ATAD2B: variants seen among roughly 807,000 people sequenced by gnomAD.
ATAD2B encodes ATPase family AAA domain containing 2B, also known as ATPase family AAA domain-containing protein 2B.
ATAD2B carries 40 observed loss-of-function variants against 167.6 expected under a neutral mutation model. The ratio of observed to expected loss-of-function variants is 0.24; its 90% confidence interval spans 0.19 to 0.31. The LOEUF is 0.31. Ranked by LOEUF, ATAD2B falls within the 10% of genes least tolerant of loss-of-function variation. The pLI, the probability that ATAD2B is intolerant of heterozygous loss-of-function variation, is 1.00. For missense variants in ATAD2B, 1,242 were observed against 1,757.2 expected, an observed-to-expected ratio of 0.71 and a Z score of 5.24; for synonymous variants, 579 against 596.5, an observed-to-expected ratio of 0.97 and a Z score of 0.43.
At chr2:23,915,582 G>C (rs1238984735) in intron 1 of ATAD2B, among the ~76,000 whole-genome samples, 4 of 126,516 alleles carry the variant, frequency 3.2e-5, no homozygotes, top group African/African-American at 1.1e-4. Flanking sequence ...TCTGACTACC[G>C]ATTCTTTTTT....
chr2:23,792,962 C>CAAAAAAAAAAAAAA (rs36015161), intron 19 of ATAD2B, among the ~76,000 whole-genome samples: 4 of 42,548 alleles, frequency 9.4e-5, no homozygotes, highest in African/African-American at 3.4e-4. Flanking sequence ...GACTCTGTCT[C>CAAAAAAAAAAAAAA]AAAAAAAAAA....
intron 2 of ATAD2B, among the ~76,000 whole-genome samples, chr2:23,892,103 C>T (rs1699586889): frequency 6.6e-6 from 1 of 152,258 alleles, no homozygotes; most frequent in Non-Finnish European, 1.5e-5. Flanking sequence ...CTCACTACTT[C>T]CTCATTACCT....
chr2:23,833,888 A>G (rs1370515140), intron 14 of ATAD2B, 31 bp downstream of exon 14: 10 of 1,537,588 alleles, frequency 6.5e-6, no homozygotes, highest in Non-Finnish European at 7.9e-6. Context: ...TTACATATAA[A>G]TGTTAACATA....
At position 23,895,800 on chromosome 2, in the gene ATAD2B, A is replaced by G. The variant is rs201167819; in HGVS notation, c.368+19T>C. Reference sequence around the variant, plus strand: ...TCAGTAATTTAAGAAAAAACAATCAATGAGTTCTCCTTTCTCACCTGGCCT... The same window carrying G: ...TCAGTAATTTAAGAAAAAACAATCAGTGAGTTCTCCTTTCTCACCTGGCCT... On this transcript the variant is annotated intron_variant, in intron 2 of 27. Transcript: ENST00000238789. The G allele has an allele frequency of 2.4e-5, 37 of 1,561,818 alleles. 1 individual carries two copies. In the Middle Eastern group the frequency reaches 8.5e-4, roughly 36 times the overall value.
At chr2:23,772,982 T>C (rs56001902) in intron 22 of ATAD2B, among the ~76,000 whole-genome samples, 12,039 of 152,238 alleles carry the variant, frequency 0.079, 602 homozygotes, top group Middle Eastern at 0.12. Flanking sequence ...GCTCAAGCGA[T>C]CTGCCTACCT....
chr2:23,876,315 T>G (rs552857699), intron 7 of ATAD2B, among the ~76,000 whole-genome samples: 11 of 150,924 alleles, frequency 7.3e-5, no homozygotes, highest in Admixed American at 3.3e-4. Context: ...TTTCTTTTTT[T>G]TTTTGATACA....
intron 18 of ATAD2B, among the ~76,000 whole-genome samples, chr2:23,804,433 T>TA (rs1353695720): frequency 6.6e-6 from 1 of 152,156 alleles, no homozygotes; most frequent in Non-Finnish European, 1.5e-5. Context: ...GCTCGACTTC[T>TA]AACCCAGAAG....
the ATAD2B span, chr2:23,703,316 G>C: frequency 1.3e-6 from 2 of 1,546,724 alleles, no homozygotes; most frequent in Non-Finnish European, 1.7e-6. Context: ...CCGAGCTGCC[G>C]GCGTCCTCCA....
intron 1 of ATAD2B, among the ~76,000 whole-genome samples, chr2:23,917,784 C>G (rs565062130): frequency 1.3e-5 from 2 of 151,726 alleles, no homozygotes; most frequent in South Asian, 4.2e-4. Context: ...TATAGCCAGG[C>G]GCGGTGGCTC....
chr2:23,865,918 TACCCAA>T (rs1250458739), intron 10 of ATAD2B: 2 of 913,450 alleles, frequency 2.2e-6, no homozygotes, highest in Non-Finnish European at 2.6e-6. Context: ...AAGAAAATTT[TACCCAA>T]AGTGTTAACT....
the ATAD2B span, among the ~76,000 whole-genome samples, chr2:23,737,041 G>T: frequency 6.6e-6 from 1 of 152,356 alleles, no homozygotes; most frequent in African/African-American, 2.4e-5. Context: ...GGTAAACAAA[G>T]CAGCCTGGAA....
At chr2:23,720,562 G>A in the ATAD2B span, among the ~76,000 whole-genome samples, 1 of 142,438 alleles carries the variant, frequency 7.0e-6, no homozygotes, top group Admixed American at 7.2e-5. Flanking sequence ...CTGGGTGACA[G>A]AGCGAGACTC....
chr2:23,772,894 C>T (rs923969139), intron 22 of ATAD2B, among the ~76,000 whole-genome samples: 3 of 152,096 alleles, frequency 2.0e-5, no homozygotes, highest in African/African-American at 4.8e-5. Flanking sequence ...TGCGCCACCA[C>T]GCCTGGCTAA....
At chr2:23,700,296 C>T in the ATAD2B span, among the ~76,000 whole-genome samples, 1,463 of 152,266 alleles carry the variant, frequency 9.6e-3, 15 homozygotes, top group Non-Finnish European at 0.013. This position sits in a 1 kb window ranked among gnomAD's most constrained non-coding sequence, Gnocchi z 4.6. Flanking sequence ...GTTTTAACCA[C>T]AAAAATTTAA....
At chr2:23,906,105 G>A (rs1342982341) in intron 1 of ATAD2B, among the ~76,000 whole-genome samples, 1 of 152,144 alleles carries the variant, frequency 6.6e-6, no homozygotes, top group African/African-American at 2.4e-5. Context: ...GGGAAGCAGA[G>A]GCGGGCAGAT....
At position 23,882,567 on chromosome 2, in the gene ATAD2B, G is replaced by A. The variant is rs181847247; in HGVS notation, c.785-1812C>T. Among the ~76,000 whole-genome samples the A allele has an allele frequency of 1.2e-3, 177 of 151,040 alleles. 4 individuals are homozygous for A. The East Asian group carries it at 0.031, about 26-fold the overall frequency. On this transcript the variant is annotated intron_variant, in intron 6 of 27. Coordinates refer to ENST00000238789, the MANE Select transcript of ATAD2B (RefSeq NM_017552.4). ...CTCATGCCTATAATCCCAGCACTTT[G>A]GGAGGCCAAGGTGGGAGGATCACGA...
intron 19 of ATAD2B, among the ~76,000 whole-genome samples, chr2:23,794,890 C>T (rs541279313): frequency 5.9e-5 from 9 of 152,110 alleles, no homozygotes; most frequent in Admixed American, 5.9e-4. Flanking sequence ...TATCCCAATG[C>T]ACAAGTACAA....
rs1216722213 is a variant in ATAD2B at position 23,796,525 on chromosome 2, T to C, written c.2640+1613A>G. ...AAGTTAGGCTCATCAAACTTTTATT[T>C]AGAAATTTTTCAAACAATATAGAGG... On this transcript the variant is annotated intron_variant, in intron 19 of 27. Transcript: ENST00000238789. Among the ~76,000 whole-genome samples, 14 of 152,204 alleles carry C rather than the reference T, an allele frequency of 9.2e-5. 1 individual carries two copies. The highest frequency in any genetic ancestry group is 1.5e-5 in the Non-Finnish European group (1 of 68,016).
In ATAD2B at chr2:23,750,243, G is replaced by A. The variant is rs531957533; in HGVS notation, c.*1803C>T. On this transcript the variant is annotated 3_prime_UTR_variant, in exon 28 of 28. Transcript: ENST00000238789. Reference sequence around the variant, plus strand: ...AAAATACAGTGTGTCTACATGGGTAGCATCTTGACTTGTATGACTAACTGG... The same window carrying A: ...AAAATACAGTGTGTCTACATGGGTAACATCTTGACTTGTATGACTAACTGG... 1 of 152,154 alleles carries A rather than the reference G, an allele frequency of 6.6e-6. No homozygotes were observed. Among genetic ancestry groups the A allele is most frequent in the East Asian group, 1.9e-4 (1 of 5,186 alleles). 9.4% of individuals were successfully genotyped at this position (152,154 alleles called of 1,614,324 possible).
Sources: gnomAD v4.1 joint callset for allele counts (sites outside exome capture counted in the v4.1 genomes callset) on GRCh38, gnomAD v4.1.1 for gene constraint, Gnocchi (gnomAD v3.1) non-coding constraint, MANE v1.5 for transcripts, NCBI Gene and HGNC (gene_info 2026-07-23, HGNC 2026-07-21) for gene names.